Variants in GPI observed in about 807,000 individuals in gnomAD.
GPI encodes D-hexose-6-phosphate anomerase.
Under a neutral mutation model 75.8 loss-of-function variants are expected in GPI, and 56 were observed. The ratio of observed to expected loss-of-function variants is 0.74; its 90% CI spans 0.60 to 0.92. The LOEUF (loss-of-function observed/expected upper bound fraction) is 0.92. Among genes scored for constraint, GPI ranks in the 40% least tolerant of loss-of-function variants. The pLI, the probability that GPI is intolerant of heterozygous loss-of-function variation, is 0.00. For missense variants in GPI, 638 were observed against 741.0 expected (o/e 0.86, Z 1.61); for synonymous variants, 288 against 285.4 (o/e 1.01, Z -0.09).
rs184342247 is a variant in GPI, at chr19:34,377,602, C to A, written c.486+16C>A. On this transcript the variant is annotated intron_variant, in intron 5 of 17. Transcript: ENST00000356487. ...CTCCGACCTGGTGAGGAGAAAACTGCCTTGGGGTAGGGTGGGAGTCTGGGC... is the reference window on the plus strand; with the variant it reads ...CTCCGACCTGGTGAGGAGAAAACTGACTTGGGGTAGGGTGGGAGTCTGGGC... 2.5e-6 allele frequency: 4 copies of A among 1,605,570 alleles called. No individual in the cohort carries two copies. Among genetic ancestry groups the A allele is most frequent in the Non-Finnish European group, 3.4e-6 (4 of 1,172,500 alleles).
Position 34,365,220 on chromosome 19 carries a change from C to G in GPI, c.-47C>G. 7.0e-7 allele frequency: 1 copy of G among 1,428,396 alleles called. No individual in the cohort carries two copies. Among genetic ancestry groups the G allele is most frequent in the Non-Finnish European group, 9.2e-7 (1 of 1,084,068 alleles). 88.5% of individuals were successfully genotyped at this position (1,428,396 alleles called of 1,614,324 possible). Reference sequence around the variant, plus strand: ...CGCTTGCTGCGCGCTGCCGGCGCTCCTTCCTCCTCGGCTCGCGTCTCACTC... The same window carrying G: ...CGCTTGCTGCGCGCTGCCGGCGCTCGTTCCTCCTCGGCTCGCGTCTCACTC... On this transcript the variant is annotated 5_prime_UTR_variant, in exon 1 of 18. Coordinates refer to ENST00000356487, the MANE Select transcript of GPI (RefSeq NM_000175.5).
intron 4 of GPI, 39 bp downstream of exon 4, chr19:34,368,741 G>A (rs777125639): frequency 1.2e-6 from 2 of 1,613,532 alleles, no homozygotes; most frequent in Non-Finnish European, 8.5e-7. Flanking sequence ...TTGGCCGTGT[G>A]TGTGAGTTAT....
intron 4 of GPI, among the ~76,000 whole-genome samples, chr19:34,372,682 C>G (rs2074473572): frequency 6.6e-6 from 1 of 152,180 alleles, no homozygotes; most frequent in African/African-American, 2.4e-5. Context: ...TGCAGTGGCT[C>G]TTGTATAATC....
At position 34,366,830 on chromosome 19, in the gene GPI, T is replaced by G. The variant is rs1448490145; in HGVS notation, c.261T>G (p.Gly87=). 4 of 1,613,298 alleles carry G rather than the reference T, an allele frequency of 2.5e-6. No individual in the cohort carries two copies. The South Asian group carries it at 3.3e-5, about 13-fold the overall frequency. ...CCGCCCGGGAGCGGATGTTCAATGG[T>G]GAGAAGATCAACTACACCGAGGTGA... is the stretch of plus-strand genomic sequence containing the variant. The part of the protein sequence containing the change: ...VEAARERMFN[G]EKINYTEGRA... The change falls in exon 3 of 18, where the codon GGT becomes GGG. Residue 87 remains glycine (G), a synonymous_variant. Coordinates refer to ENST00000356487, the MANE Select transcript of GPI (RefSeq NM_000175.5).
chr19:34,365,154 G>C, upstream of GPI: 3 of 1,232,402 alleles, frequency 2.4e-6, no homozygotes, highest in Non-Finnish European at 2.0e-6. Context: ...GGGCCGGGCC[G>C]GGCGCCTGCG....
At chr19:34,392,897 G>A (rs1301167369) in intron 9 of GPI, 1 of 376,298 alleles carries the variant, frequency 2.7e-6, no homozygotes, top group East Asian at 6.5e-5. Context: ...GAGGAGGTGG[G>A]CCCTGGCGCA....
upstream of GPI, chr19:34,365,133 G>GGGGCCGGGCC (rs36206349): frequency 1.5e-5 from 19 of 1,251,246 alleles, no homozygotes; most frequent in East Asian, 3.4e-5. Context: ...GCTCAGGGGT[G>GGGGCCGGGCC]GGGCCGGGCC....
chr19:34,393,196 G>C lies in GPI; in HGVS notation c.805-52G>C, dbSNP rs372436225. ...AGGGACAGGGTTTCCGGCAGGAGGT[G>C]GGGGGCGGGGTGTGCCGGCCCTCCC... On this transcript the variant is annotated intron_variant, in intron 9 of 17. Transcript: ENST00000356487. This position sits in a 1 kb window ranked among gnomAD's most constrained non-coding sequence, Gnocchi z 4.4. 1.6e-4 allele frequency: 218 copies of C among 1,383,974 alleles called. 2 individuals are homozygous for C. In the South Asian group the frequency reaches 2.2e-3, roughly 14 times the overall value. 85.7% of individuals were successfully genotyped at this position (1,383,974 alleles called of 1,614,324 possible).
At chr19:34,381,225 C>A in intron 8 of GPI, 1 of 589,226 alleles carries the variant, frequency 1.7e-6, no homozygotes, top group Non-Finnish European at 3.0e-6. Flanking sequence ...CAGCAGGGGG[C>A]TTTGCAGGCA....
At chr19:34,394,119 G>A in intron 12 of GPI, 53 bp downstream of exon 12, 2 of 1,434,424 alleles carry the variant, frequency 1.4e-6, no homozygotes, top group Non-Finnish European at 1.9e-6. Flanking sequence ...GGGGGGTCTG[G>A]GAGGTCTAGG....
At position 34,379,017 on chromosome 19, in the gene GPI, A is replaced by G; in HGVS notation, c.705+12A>G. ...AGGCGGCCAAGGATGTGAGTGGGCT[A>G]TAGGGCCTTCCTCGTGGTTAGCCTC... On this transcript the variant is annotated intron_variant, in intron 7 of 17. Coordinates refer to ENST00000356487, the MANE Select transcript of GPI (RefSeq NM_000175.5). 6.2e-7 allele frequency: 1 copy of G among 1,611,094 alleles called. No homozygotes were observed. Among genetic ancestry groups the G allele is most frequent in the Admixed American group, 1.7e-5 (1 of 60,020 alleles).
chr19:34,362,923 G>A (rs527921459), upstream of GPI, among the ~76,000 whole-genome samples: 123 of 152,274 alleles, frequency 8.1e-4, no homozygotes, highest in African/African-American at 2.9e-3. Context: ...AACACGGGTG[G>A]GAGAGGATGG....
At chr19:34,371,621 T>G (rs552638903) in intron 4 of GPI, among the ~76,000 whole-genome samples, 1 of 151,794 alleles carries the variant, frequency 6.6e-6, no homozygotes, top group African/African-American at 2.4e-5. Context: ...GAGGCCGAGG[T>G]GGGTGGATCA....
At chr19:34,381,312 A>C (rs763770021) in intron 8 of GPI, 154 bp from the exon 9 acceptor site, 82 of 724,034 alleles carry the variant, frequency 1.1e-4, no homozygotes, top group Non-Finnish European at 2.1e-4. Context: ...CCTGCCCTCG[A>C]CTCACAGGCT....
At position 34,401,647 on chromosome 19, in the gene GPI, AT is replaced by A. The variant is rs1203341008; in HGVS notation, c.*1620del. The A allele has an allele frequency of 3.3e-5, 5 of 151,318 alleles. No homozygotes were observed. Among genetic ancestry groups the A allele is most frequent in the South Asian group, 4.2e-4 (2 of 4,784 alleles). The allele number at this position is 151,318 out of a possible 1,614,324, so 9.4% of individuals were successfully genotyped here. ...AGCCGCCACACCCAGCCTATTCAAA[AT>A]TTTTTTTTCTTAGAGACAGGGTCTT... is the stretch of plus-strand genomic sequence containing the variant. On this transcript the variant is annotated 3_prime_UTR_variant, in exon 18 of 18. Transcript: ENST00000356487.
At position 34,389,748 on chromosome 19, in the gene GPI, C is replaced by A. The variant is rs961061007; in HGVS notation, c.805-3500C>A. On this transcript the variant is annotated intron_variant, in intron 9 of 17. Coordinates refer to ENST00000356487, the MANE Select transcript of GPI (RefSeq NM_000175.5). ...TTCTTGAGATCAAGGGTCAAGTACC[C>A]CTCAGGTTCCTTTTATAAGTGGCCT... Among the ~76,000 whole-genome samples, 3 of 152,268 alleles carry A rather than the reference C, an allele frequency of 2.0e-5. No homozygotes were observed. In the East Asian group the frequency reaches 5.8e-4, roughly 29 times the overall value.
chr19:34,387,322 C>T (rs1045059792), intron 9 of GPI, among the ~76,000 whole-genome samples: 2 of 152,216 alleles, frequency 1.3e-5, no homozygotes, highest in African/African-American at 2.4e-5. Flanking sequence ...TCTGCCGATG[C>T]AGGCTCAGTG....
In GPI at chr19:34,393,505, G is replaced by A. The variant is rs538022937; in HGVS notation, c.865+197G>A. 2.8e-6 allele frequency: 2 copies of A among 714,424 alleles called. No individual in the cohort carries two copies. Among genetic ancestry groups the A allele is most frequent in the South Asian group, 3.1e-5 (2 of 63,762 alleles). The allele number at this position is 714,424 out of a possible 1,614,324, so 44.3% of individuals were successfully genotyped here. On this transcript the variant is annotated intron_variant, in intron 10 of 17. Coordinates refer to ENST00000356487, the MANE Select transcript of GPI (RefSeq NM_000175.5). The surrounding 1 kb of genome is among the most constrained non-coding windows in gnomAD (Gnocchi z 4.4). Reference sequence around the variant, plus strand: ...CGTGTGCAAGTTGGCCCCCGTCTTTGCCCCTCACAACTGCAGTCCTGTTTC... The same window carrying A: ...CGTGTGCAAGTTGGCCCCCGTCTTTACCCCTCACAACTGCAGTCCTGTTTC...
intron 9 of GPI, 25 bp downstream of exon 9, chr19:34,381,544 G>C: frequency 6.5e-7 from 1 of 1,535,894 alleles, no homozygotes; most frequent in South Asian, 1.1e-5. Flanking sequence ...TTCTGCACTG[G>C]GTGAATTAAG....
Sources: gnomAD v4.1 joint callset for allele counts (sites outside exome capture counted in the v4.1 genomes callset) on GRCh38, gnomAD v4.1.1 for gene constraint, Gnocchi (gnomAD v3.1) non-coding constraint, MANE v1.5 for transcripts, NCBI Gene and HGNC (gene_info 2026-07-23, HGNC 2026-07-21) for gene names.